Variants in SLC27A5 observed in about 807,000 individuals in gnomAD.
SLC27A5 encodes the protein long-chain fatty acid transport protein 5.
In SLC27A5, 47 loss-of-function variants were observed where a neutral mutation model predicts 63.1. The observed-to-expected ratio is 0.74, with a 90% confidence interval of 0.59 to 0.95. The LOEUF (loss-of-function observed/expected upper bound fraction) is 0.95, where lower values mean the gene tolerates loss of function less well. SLC27A5 is among the 40% of genes least tolerant of loss of function. SLC27A5 has a pLI of 0.00. For synonymous variants in SLC27A5, 391 were observed against 403.8 expected (o/e 0.97, Z 0.38); for missense variants, 940 against 921.0 (o/e 1.02, Z -0.27).
intron 8 of SLC27A5, 74 bp from the exon 9 acceptor site, chr19:58,498,989 T>C: frequency 6.3e-7 from 1 of 1,591,620 alleles, no homozygotes; most frequent in Non-Finnish European, 8.6e-7. Context: ...CTCGCCCAGC[T>C]CTGCTCACTG....
intron 3 of SLC27A5, among the ~76,000 whole-genome samples, chr19:58,503,556 G>C (rs1021620715): frequency 6.6e-6 from 1 of 152,010 alleles, no homozygotes; most frequent in Non-Finnish European, 1.5e-5. Flanking sequence ...CCAGCTACTC[G>C]GGAGGCTGAG....
intron 3 of SLC27A5, chr19:58,509,533 T>A (rs1478356792): frequency 1.1e-5 from 3 of 271,520 alleles, no homozygotes; most frequent in Non-Finnish European, 2.1e-5. Flanking sequence ...CTACTCCAGC[T>A]GCCCTTGGGG....
chr19:58,506,050 C>G (rs11486499), intron 3 of SLC27A5, among the ~76,000 whole-genome samples: 46,074 of 151,084 alleles, frequency 0.3, 8,371 homozygotes, highest in Middle Eastern at 0.48. Flanking sequence ...ACTAGGGAGG[C>G]TGAGGCAGGA....
At position 58,509,945 on chromosome 19, in the gene SLC27A5, G is replaced by A. The variant is rs1213636441; in HGVS notation, c.959C>T (p.Ser320Phe). 2 of 1,613,980 alleles carry A rather than the reference G, an allele frequency of 1.2e-6. No homozygotes were observed. The highest frequency in any genetic ancestry group is 2.7e-5 in the African/African-American group (2 of 74,914). ...ATCATCAGCTGTGGCCCCAGATAAG[G>A]ACAGCATCTTGCTCATCTGCAGTAC... Reference protein sequence around the residue: ...ERVLQMSKMLSLSGATADDVV... With the variant: ...ERVLQMSKMLFLSGATADDVV... Residue 320 changes from serine to phenylalanine, a missense_variant, in exon 3 of 10, where the codon TCC becomes TTC. Ser to Phe is a radical substitution (Grantham distance 155). Coordinates refer to ENST00000263093, the MANE Select transcript of SLC27A5 (RefSeq NM_012254.3).
Position 58,498,397 on chromosome 19 carries a change from T to C in SLC27A5, c.*118A>G. 9.7e-7 allele frequency: 1 copy of C among 1,028,602 alleles called. No homozygotes were observed. The highest frequency in any genetic ancestry group is 1.4e-6 in the Non-Finnish European group (1 of 720,690). 63.7% of individuals were successfully genotyped at this position (1,028,602 alleles called of 1,614,324 possible). ...GGGCCCACTGTCATTTCCAGCCCACTGAGGTTGAGGGTATGGCCAGGCTGG... is the reference window on the plus strand; with the variant it reads ...GGGCCCACTGTCATTTCCAGCCCACCGAGGTTGAGGGTATGGCCAGGCTGG... On this transcript the variant is annotated 3_prime_UTR_variant, in exon 10 of 10. Transcript: ENST00000263093.
intron 9 of SLC27A5, 24 bp downstream of exon 9, chr19:58,498,761 C>T: frequency 6.2e-7 from 1 of 1,612,096 alleles, no homozygotes; most frequent in Non-Finnish European, 8.5e-7. Context: ...CTTCCACCCA[C>T]CCACCAGGCC....
At chr19:58,501,454 T>C (rs1006071936) in intron 3 of SLC27A5, 44 bp from the exon 4 acceptor site, 5 of 1,596,418 alleles carry the variant, frequency 3.1e-6, no homozygotes, top group Non-Finnish European at 4.3e-6. Context: ...TGCTTCCAAA[T>C]TGTTGTAAGA....
chr19:58,501,415 G>T lies in SLC27A5; in HGVS notation c.1058-5C>A. On this transcript the variant is annotated splice_region_variant and splice_polypyrimidine_tract_variant and intron_variant, in intron 3 of 9. Transcript: ENST00000263093. ...GGGCCAGAACACAGGTGGCTCCTGG[G>T]AGATGACAGGAGAGGGGGTTTCAGG... is the stretch of plus-strand genomic sequence containing the variant. 6.2e-7 allele frequency: 1 copy of T among 1,612,312 alleles called. No homozygotes were observed. Among genetic ancestry groups the T allele is most frequent in the South Asian group, 1.1e-5 (1 of 90,972 alleles).
chr19:58,500,400 G>T lies in SLC27A5; in HGVS notation c.1407C>A (p.Phe469Leu), dbSNP rs536826731. The T allele has an allele frequency of 6.2e-7, 1 of 1,613,734 alleles. No individual in the cohort carries two copies. The highest frequency in any genetic ancestry group is 1.1e-5 in the South Asian group (1 of 91,074). Residue 469 changes from phenylalanine to leucine, a missense_variant, in exon 6 of 10, where the codon TTC (phenylalanine) becomes TTA (leucine). Phe to Leu is a conservative substitution (Grantham distance 22). Coordinates refer to ENST00000263093, the MANE Select transcript of SLC27A5 (RefSeq NM_012254.3). ...RMLSPFELVQ[F>L]DMEAAEPVRD... ...TCACAGGCTCCGCCGCCTCCATGTCGAACTGCACCAGCTCAAAGGGGGACA... is the reference window on the plus strand; with the variant it reads ...TCACAGGCTCCGCCGCCTCCATGTCTAACTGCACCAGCTCAAAGGGGGACA...
rs1216687559 is a variant in SLC27A5 at position 58,498,510 on chromosome 19, G to A, written c.*5C>T. 1 of 1,606,796 alleles carries A rather than the reference G, an allele frequency of 6.2e-7. No homozygotes were observed. The highest frequency in any genetic ancestry group is 8.5e-7 in the Non-Finnish European group (1 of 1,175,224). ...GATCCCTACCCCAGTGGGTTGGCCAGGTGATCAGAGCCTCCAGGTTCCCTC... is the reference window on the plus strand; with the variant it reads ...GATCCCTACCCCAGTGGGTTGGCCAAGTGATCAGAGCCTCCAGGTTCCCTC... On this transcript the variant is annotated 3_prime_UTR_variant, in exon 10 of 10. Coordinates refer to ENST00000263093, the MANE Select transcript of SLC27A5 (RefSeq NM_012254.3).
intron 3 of SLC27A5, chr19:58,509,619 C>T (rs1671429872): frequency 2.3e-6 from 1 of 438,446 alleles, no homozygotes; most frequent in African/African-American, 2.0e-5. Flanking sequence ...GTGACCATCA[C>T]TCGTATCAGG....
intron 3 of SLC27A5, 141 bp downstream of exon 3, chr19:58,509,706 A>C: frequency 2.8e-6 from 2 of 713,920 alleles, no homozygotes; most frequent in Non-Finnish European, 4.4e-6. Flanking sequence ...CGGCCCTGGT[A>C]GTCATTGGTG....
intron 3 of SLC27A5, among the ~76,000 whole-genome samples, chr19:58,506,530 CTG>C (rs1465785087): frequency 6.6e-6 from 1 of 152,118 alleles, no homozygotes; most frequent in African/African-American, 2.4e-5. Context: ...CAGAGCGAGA[CTG>C]TGTCTCAAAA....
At chr19:58,501,049 T>C (rs1381191819) in intron 4 of SLC27A5, 2 of 1,221,878 alleles carry the variant, frequency 1.6e-6, no homozygotes, top group African/African-American at 3.1e-5. Flanking sequence ...GAAATTCTCA[T>C]GATAGGGGTA....
In SLC27A5 at chr19:58,500,368, T is replaced by C. The variant is rs778066137; in HGVS notation, c.1439A>G (p.Asn480Ser). Residue 480 changes from asparagine (N) to serine (S), a missense_variant, in exon 6 of 10, where the codon AAT becomes AGT. Transcript: ENST00000263093. ...DMEAAEPVRD[N>S]QGFCIPVGLG... Reference sequence around the variant, plus strand: ...CCCTACAGGGATGCAGAAGCCCTGATTGTCCCTCACAGGCTCCGCCGCCTC... The same window carrying C: ...CCCTACAGGGATGCAGAAGCCCTGACTGTCCCTCACAGGCTCCGCCGCCTC... 1.2e-6 allele frequency: 2 copies of C among 1,613,606 alleles called. No homozygotes were observed. Among genetic ancestry groups the C allele is most frequent in the African/African-American group, 1.3e-5 (1 of 74,982 alleles).
At chr19:58,499,745 T>C in intron 6 of SLC27A5, 55 bp from the exon 7 acceptor site, 4 of 1,573,636 alleles carry the variant, frequency 2.5e-6, no homozygotes, top group Non-Finnish European at 3.5e-6. Flanking sequence ...AGCCCCCTGC[T>C]GGAGGTTTTC....
Position 58,498,608 on chromosome 19 carries a change from G to T in SLC27A5, c.1980C>A (p.Asp660Glu), listed in dbSNP as rs1481672451. 6.2e-7 allele frequency: 1 copy of T among 1,614,084 alleles called. No individual in the cohort carries two copies. The highest frequency in any genetic ancestry group is 8.5e-7 in the Non-Finnish European group (1 of 1,180,014). Residue 660 changes from aspartate to glutamate, a missense_variant, in exon 10 of 10, where the codon GAC becomes GAA. Transcript: ENST00000263093. ...CCCGGTTGTCCAGTACAAACAGAGG[G>T]TCAACCACGATCCCCACATTGAAGC... The part of the protein sequence containing the change: ...REGFNVGIVV[D>E]PLFVLDNRAQ...
At position 58,510,619 on chromosome 19, in the gene SLC27A5, G is replaced by A. The variant is rs2053398949; in HGVS notation, c.898+102C>T. On this transcript the variant is annotated intron_variant, in intron 2 of 9. Transcript: ENST00000263093. ...AAAAAACAAATGTCAAAATCAGAGG[G>A]TAAAGTGGTTTCAGAGGTCAACACT... 8 of 1,006,760 alleles carry A rather than the reference G, an allele frequency of 7.9e-6. No individual in the cohort carries two copies. In the East Asian group the frequency reaches 1.7e-4, roughly 21 times the overall value. 62.4% of individuals were successfully genotyped at this position (1,006,760 alleles called of 1,614,324 possible). A position where few individuals can be genotyped will look rare whatever the true frequency, so the allele number is the denominator to read the frequency against.
At chr19:58,511,046 G>C in intron 1 of SLC27A5, 116 bp from the exon 2 acceptor site, 1 of 999,980 alleles carries the variant, frequency 1.0e-6, no homozygotes, top group African/African-American at 1.6e-5. Flanking sequence ...AAGCATCCAT[G>C]TTGTTTGGTA....
Sources: gnomAD v4.1 joint callset for allele counts (sites outside exome capture counted in the v4.1 genomes callset) on GRCh38, gnomAD v4.1.1 for gene constraint, MANE v1.5 for transcripts, NCBI Gene and HGNC (gene_info 2026-07-23, HGNC 2026-07-21) for gene names.